Variants in CCL26 observed in about 807,000 individuals in gnomAD.
The protein encoded by CCL26 is C-C motif chemokine ligand 26.
In CCL26, 10 loss-of-function variants were observed where a neutral mutation model predicts 10.7. The observed-to-expected ratio is 0.93, with a 90% CI of 0.57 to 1.58. The LOEUF (loss-of-function observed/expected upper bound fraction) is 1.58, where lower values mean the gene tolerates loss of function less well. Ranked by LOEUF, CCL26 falls within the 40% of genes most tolerant of loss-of-function variation. CCL26 has a pLI of 0.00. For synonymous variants in CCL26, 43 were observed against 41.4 expected (o/e 1.04, Z -0.15); for missense variants, 116 against 111.0 (o/e 1.05, Z -0.20).
At chr7:75,779,584 A>G (rs1554529174) in intron 1 of CCL26, among the ~76,000 whole-genome samples, 1 of 152,188 alleles carries the variant, frequency 6.6e-6, no homozygotes, top group African/African-American at 2.4e-5. Context: ...CTTTTCTGGT[A>G]GAGACAAAGG....
chr7:75,773,786 G>A (rs1381411676), upstream of CCL26, among the ~76,000 whole-genome samples: 1 of 151,938 alleles, frequency 6.6e-6, no homozygotes, highest in Non-Finnish European at 1.5e-5. Flanking sequence ...GGGAGGCTGA[G>A]GCAGGAGAGT....
intron 1 of CCL26, among the ~76,000 whole-genome samples, chr7:75,781,190 C>A (rs1336811839): frequency 1.3e-5 from 2 of 152,202 alleles, no homozygotes; most frequent in African/African-American, 4.8e-5. Flanking sequence ...AAATAAAACT[C>A]CAAAAATTAA....
chr7:75,772,100 G>C lies in CCL26; in HGVS notation c.73+4C>G. On this transcript the variant is annotated splice_donor_region_variant and intron_variant, in intron 1 of 2. Coordinates refer to ENST00000005180, the MANE Select transcript of CCL26 (RefSeq NM_001371938.1). Reference sequence around the variant, plus strand: ...CCCAGGAGGGGAATGGGCCAGCTACGTACGTGTGGCAGTTCCAAGGTGGAG... The same window carrying C: ...CCCAGGAGGGGAATGGGCCAGCTACCTACGTGTGGCAGTTCCAAGGTGGAG... 6.3e-7 allele frequency: 1 copy of C among 1,587,884 alleles called. No homozygotes were observed. Among genetic ancestry groups the C allele is most frequent in the Non-Finnish European group, 8.6e-7 (1 of 1,166,960 alleles).
At chr7:75,771,853 A>T in intron 2 of CCL26, 36 bp downstream of exon 2, 1 of 1,444,120 alleles carries the variant, frequency 6.9e-7, no homozygotes, top group Non-Finnish European at 9.8e-7. Flanking sequence ...TGCATGACTG[A>T]TGGGGCCCCA....
upstream of CCL26, among the ~76,000 whole-genome samples, chr7:75,790,183 C>CTTTCTTTCT (rs1803298296): frequency 2.7e-5 from 2 of 72,932 alleles, no homozygotes; most frequent in Non-Finnish European, 5.9e-5. Context: ...TCCTTCCTTT[C>CTTTCTTTCT]TTTCTTTCTT....
At chr7:75,790,951 A>T (rs1267667117), upstream of CCL26, among the ~76,000 whole-genome samples, 8 of 151,854 alleles carry the variant, frequency 5.3e-5, no homozygotes, top group African/African-American at 1.9e-4. Context: ...AAAAAAAAAA[A>T]ATTTGAGTCC....
chr7:75,773,340 C>G (rs1402406368), upstream of CCL26, among the ~76,000 whole-genome samples: 3 of 151,782 alleles, frequency 2.0e-5, no homozygotes, highest in African/African-American at 4.8e-5. Flanking sequence ...AGGAGAATCG[C>G]TTGAATGCAG....
chr7:75,784,165 G>A (rs1803129771), intron 1 of CCL26, among the ~76,000 whole-genome samples: 1 of 152,186 alleles, frequency 6.6e-6, no homozygotes, highest in African/African-American at 2.4e-5. Context: ...GCTGCCAGGG[G>A]TTCCTCCAGA....
chr7:75,790,178 C>CTTTCTTTCTTTCTTT (rs1554530614), upstream of CCL26, among the ~76,000 whole-genome samples: 4 of 44,344 alleles, frequency 9.0e-5, no homozygotes, highest in Admixed American at 2.3e-4. Flanking sequence ...TTCCTTCCTT[C>CTTTCTTTCTTTCTTT]CTTTCTTTCT....
intron 2 of CCL26, among the ~76,000 whole-genome samples, chr7:75,771,089 T>G (rs1802810716): frequency 6.6e-6 from 1 of 151,724 alleles, no homozygotes; most frequent in South Asian, 2.1e-4. Context: ...CACTCTTTTT[T>G]TTCTCTTTTG....
chr7:75,773,438 T>C (rs1554528393), upstream of CCL26, among the ~76,000 whole-genome samples: 1 of 150,784 alleles, frequency 6.6e-6, no homozygotes, highest in Non-Finnish European at 1.5e-5. Flanking sequence ...GAAAAAAAAA[T>C]AGAGATGAGG....
upstream of CCL26, among the ~76,000 whole-genome samples, chr7:75,790,203 C>CT (rs1803300757): frequency 1.8e-5 from 2 of 110,014 alleles, no homozygotes; most frequent in African/African-American, 7.1e-5. Flanking sequence ...TTCTTTCTTT[C>CT]TTTCTTTCTT....
chr7:75,791,308 G>A (rs1246684845), upstream of CCL26, among the ~76,000 whole-genome samples: 9 of 152,162 alleles, frequency 5.9e-5, no homozygotes, highest in Admixed American at 5.9e-4. Flanking sequence ...ACAGGTGTGA[G>A]CCACCACGCC....
At chr7:75,781,740 C>A (rs1444614568) in intron 1 of CCL26, among the ~76,000 whole-genome samples, 3 of 152,114 alleles carry the variant, frequency 2.0e-5, no homozygotes, top group African/African-American at 7.2e-5. Context: ...GTGACCCCCG[C>A]CCCTGCCCGC....
At chr7:75,788,741 G>GA (rs1364991191) in intron 1 of CCL26, among the ~76,000 whole-genome samples, 186 of 149,716 alleles carry the variant, frequency 1.2e-3, no homozygotes, top group South Asian at 1.7e-3. Context: ...AAAAAAAGAA[G>GA]AAAAAAAAAG....
chr7:75,784,454 G>A (rs1803137036), intron 1 of CCL26, among the ~76,000 whole-genome samples: 1 of 152,164 alleles, frequency 6.6e-6, no homozygotes, highest in Admixed American at 6.6e-5. Flanking sequence ...GATGCTTTGG[G>A]TAACTCTTAC....
At chr7:75,787,692 C>T (rs1554530173) in intron 1 of CCL26, among the ~76,000 whole-genome samples, 1 of 66,180 alleles carries the variant, frequency 1.5e-5, no homozygotes, top group Admixed American at 1.7e-4. Context: ...CCCCCAAGCT[C>T]AGCCTCTCAA....
At chr7:75,776,582 A>T (rs1166309644), upstream of CCL26, among the ~76,000 whole-genome samples, 1 of 144,044 alleles carries the variant, frequency 6.9e-6, no homozygotes, top group Non-Finnish European at 1.6e-5. Context: ...GGAAGGAAGG[A>T]AGAAGGAAAG....
Position 75,771,945 on chromosome 7 carries a change from C to T in CCL26, c.132G>A (p.Trp44Ter), listed in dbSNP as rs41463245. ...TGAATTCATAGCTTCGCACCCAGGTCCAGGGAAGGGGCTTGTGGCTGTATT... is the reference window on the plus strand; with the variant it reads ...TGAATTCATAGCTTCGCACCCAGGTTCAGGGAAGGGGCTTGTGGCTGTATT... ...CFQYSHKPLP[W>*]TWVRSYEFTS... Residue 44 changes from tryptophan to a stop codon, truncating the protein, a stop_gained, in exon 2 of 3, where the codon TGG becomes TGA. Transcript: ENST00000005180. LOFTEE classifies it high-confidence loss of function. 14,260 of 1,614,014 alleles carry T rather than the reference C, an allele frequency of 8.8e-3. 79 individuals carry two copies. Among genetic ancestry groups the T allele is most frequent in the Non-Finnish European group, 0.01 (12,219 of 1,179,936 alleles).
Sources: gnomAD v4.1 joint callset for allele counts (sites outside exome capture counted in the v4.1 genomes callset) on GRCh38, gnomAD v4.1.1 for gene constraint, MANE v1.5 for transcripts, NCBI Gene and HGNC (gene_info 2026-07-23, HGNC 2026-07-21) for gene names.